PRH1: variants seen among roughly 807,000 people sequenced by gnomAD.
PRH1 encodes proline rich protein HaeIII subfamily 1, also known as salivary acidic proline-rich phosphoprotein 1/2.
Under a neutral mutation model 7.9 loss-of-function variants are expected in PRH1, and 7 were observed. The ratio of observed to expected loss-of-function variants is 0.89; its 90% CI spans 0.50 to 1.67. The LOEUF (loss-of-function observed/expected upper bound fraction) is 1.67, where lower values mean the gene tolerates loss of function less well. Ranked by LOEUF, PRH1 falls within the 40% of genes most tolerant of loss-of-function variation. The pLI, the probability that PRH1 is intolerant of heterozygous loss-of-function variation, is 0.00. For missense variants in PRH1, 109 were observed against 223.6 expected, an observed-to-expected ratio of 0.49 and a Z score of 3.27; for synonymous variants, 45 against 80.8, an observed-to-expected ratio of 0.56 and a Z score of 2.38.
rs796901235 is a variant in PRH1 at position 10,994,793 on chromosome 12, C to T, written c.-125-21072G>A. 3.6e-4 allele frequency among the ~76,000 whole-genome samples: 51 copies of T among 143,460 alleles called. 1 individual carries two copies. Among genetic ancestry groups the T allele is most frequent in the African/African-American group, 1.3e-3 (51 of 39,528 alleles). 94.1% of individuals were successfully genotyped at this position (143,460 alleles called of 152,430 possible). On this transcript the variant is annotated intron_variant, in intron 1 of 3. Coordinates refer to the PRH1 transcript ENST00000539853. ...TATATTTTAGTAAGATAGTTGGTAACTAAATTTTTTAAATGAAATGTCATT... is the reference window on the plus strand; with the variant it reads ...TATATTTTAGTAAGATAGTTGGTAATTAAATTTTTTAAATGAAATGTCATT...
At chr12:11,029,009 G>C (rs2418295) in intron 1 of PRH1, among the ~76,000 whole-genome samples, 1 of 152,248 alleles carries the variant, frequency 6.6e-6, no homozygotes, top group East Asian at 1.9e-4. Flanking sequence ...TATCATTTTT[G>C]ACCATCTATT....
Position 10,882,255 on chromosome 12 carries a change from G to A in PRH1, c.544C>T (p.Gln182Ter). The change falls in exon 3 of 4, where the codon CAG becomes TAG. Residue 182 changes from glutamine to a stop codon, truncating the protein, a stop_gained. Coordinates refer to ENST00000543626, the MANE Select transcript of PRH1 (RefSeq NM_001393989.1). LOFTEE classifies it low-confidence loss of function (END_TRUNC). ...PQGGRPQGPPQGQSPQ is the reference protein window; with the variant it reads ...PQGGRPQGPP The stretch of plus-strand genomic sequence containing the variant: ...CTAGATTACTGAGGAGACTGCCCCT[G>A]TGGAGGTCCTTGTGGGCGGCCCCCT... The A allele has an allele frequency of 6.2e-7, 1 of 1,613,594 alleles. No individual in the cohort carries two copies. The highest frequency in any genetic ancestry group is 8.5e-7 in the Non-Finnish European group (1 of 1,179,852).
At chr12:10,964,898 C>T (rs1159465236) in intron 2 of PRH1, 4 of 574,068 alleles carry the variant, frequency 7.0e-6, no homozygotes, top group Non-Finnish European at 1.3e-5. Flanking sequence ...TGTCCACATA[C>T]TCTCATCCAT....
At chr12:11,021,604 T>C (rs531805156) in intron 1 of PRH1, 166 of 1,328,246 alleles carry the variant, frequency 1.2e-4, no homozygotes, top group Admixed American at 1.9e-4. Flanking sequence ...CATCAGTTTG[T>C]TTTCTGCTAG....
At chr12:10,935,540 A>T (rs1950274426) in intron 2 of PRH1, among the ~76,000 whole-genome samples, 1 of 152,152 alleles carries the variant, frequency 6.6e-6, no homozygotes, top group Admixed American at 6.5e-5. Flanking sequence ...GAACATCTGC[A>T]GAGCATGAAT....
At chr12:11,092,025 T>A (rs1415491814) in intron 1 of PRH1, 1 of 1,488,160 alleles carries the variant, frequency 6.7e-7, no homozygotes, top group Admixed American at 1.8e-5. Context: ...TTCAACACAG[T>A]TGAATACCAG....
At chr12:10,938,524 T>C in intron 2 of PRH1, 1 of 1,614,052 alleles carries the variant, frequency 6.2e-7, no homozygotes, top group Non-Finnish European at 8.5e-7. Context: ...TTTTAACTCC[T>C]CTGTGGGCTT....
At chr12:10,957,330 A>G (rs914478613) in intron 2 of PRH1, among the ~76,000 whole-genome samples, 1 of 152,200 alleles carries the variant, frequency 6.6e-6, no homozygotes, top group Non-Finnish European at 1.5e-5. Context: ...TCCCTGCTCT[A>G]TAAATGGTGC....
intron 1 of PRH1, among the ~76,000 whole-genome samples, chr12:11,109,174 G>A (rs761351425): frequency 2.6e-5 from 4 of 152,120 alleles, no homozygotes; most frequent in Non-Finnish European, 4.4e-5. Flanking sequence ...CCCAGTCAGG[G>A]GCTTATAGAT....
intron 1 of PRH1, among the ~76,000 whole-genome samples, chr12:11,045,317 CAAAAAA>C (rs34515459): frequency 7.2e-6 from 1 of 138,780 alleles, no homozygotes; most frequent in Non-Finnish European, 1.6e-5. Flanking sequence ...TAATGGTTAC[CAAAAAA>C]AAAAAAAAAT....
chr12:10,971,373 T>G (rs1280143219), intron 2 of PRH1, among the ~76,000 whole-genome samples: 1 of 151,800 alleles, frequency 6.6e-6, no homozygotes, highest in Non-Finnish European at 1.5e-5. Flanking sequence ...GTGAGTATTA[T>G]CTAATCAGCT....
chr12:11,125,140 G>A (rs1946068941), intron 1 of PRH1, among the ~76,000 whole-genome samples: 1 of 152,340 alleles, frequency 6.6e-6, no homozygotes, highest in African/African-American at 2.4e-5. Context: ...ACCATGCCCG[G>A]CACAATTCTT....
intron 1 of PRH1, among the ~76,000 whole-genome samples, chr12:11,126,485 T>C (rs775618195): frequency 6.6e-6 from 1 of 152,288 alleles, no homozygotes; most frequent in Non-Finnish European, 1.5e-5. Context: ...TAGTATTCTA[T>C]TGTATGACTA....
At chr12:11,110,639 A>T (rs4763628) in intron 1 of PRH1, among the ~76,000 whole-genome samples, 2 of 152,038 alleles carry the variant, frequency 1.3e-5, no homozygotes, top group African/African-American at 2.4e-5. Flanking sequence ...GCCTCACAAG[A>T]GCTTCTGAAG....
At chr12:11,093,528 T>C (rs1944995116) in intron 1 of PRH1, among the ~76,000 whole-genome samples, 2 of 116,196 alleles carry the variant, frequency 1.7e-5, no homozygotes, top group South Asian at 4.7e-4. Context: ...GAATAATATT[T>C]ATTTATCAAA....
chr12:11,014,621 T>C (rs68093605), intron 1 of PRH1, among the ~76,000 whole-genome samples: 1 of 151,480 alleles, frequency 6.6e-6, no homozygotes, highest in Non-Finnish European at 1.5e-5. Flanking sequence ...AACCTCAACC[T>C]GTTGTCAGGA....
chr12:11,155,556 G>C (rs1947225159), intron 1 of PRH1, among the ~76,000 whole-genome samples: 1 of 152,162 alleles, frequency 6.6e-6, no homozygotes, highest in African/African-American at 2.4e-5. Flanking sequence ...TGCAGAAATT[G>C]ATTTGAGTTT....
chr12:10,938,170 T>C (rs1319755513), intron 2 of PRH1: 3 of 947,146 alleles, frequency 3.2e-6, no homozygotes, highest in East Asian at 5.3e-5. Flanking sequence ...TTCACAAAGT[T>C]ATACACAATG....
At chr12:10,935,653 T>A (rs1950276337) in intron 2 of PRH1, among the ~76,000 whole-genome samples, 1 of 152,192 alleles carries the variant, frequency 6.6e-6, no homozygotes, top group South Asian at 2.1e-4. Flanking sequence ...CTGAGCAACA[T>A]CTGTTCTATG....
Sources: gnomAD v4.1 joint callset for allele counts (sites outside exome capture counted in the v4.1 genomes callset) on GRCh38, gnomAD v4.1.1 for gene constraint, MANE v1.5 for transcripts, NCBI Gene and HGNC (gene_info 2026-07-23, HGNC 2026-07-21) for gene names.